RBFOX1: variants seen among roughly 807,000 people sequenced by gnomAD.
The protein encoded by RBFOX1 is RNA binding protein fox-1 homolog 1.
Under a neutral mutation model 57.7 loss-of-function variants are expected in RBFOX1, and 8 were observed. The observed-to-expected ratio is 0.14, with a 90% confidence interval of 0.08 to 0.25. RBFOX1 has a LOEUF of 0.25. Ranked by LOEUF, RBFOX1 falls within the 10% of genes least tolerant of loss-of-function variation. The probability of loss-of-function intolerance (pLI) is 1.00; values close to 1 mark genes in which losing one functional copy is unlikely to be tolerated. For synonymous variants in RBFOX1, 326 were observed against 222.4 expected (o/e 1.47, Z -4.15); for missense variants, 611 against 548.5 (o/e 1.11, Z -1.14).
chr16:5,961,186 C>G (rs1359069285), intron 4 of RBFOX1, among the ~76,000 whole-genome samples: 1 of 152,038 alleles, frequency 6.6e-6, no homozygotes, highest in Non-Finnish European at 1.5e-5. Context: ...TCATTTGGGG[C>G]ATATTCTATT....
rs536585234 is a variant in RBFOX1, at chr16:5,268,125, T to G, written c.219+28020T>G. On this transcript the variant is annotated intron_variant, in intron 1 of 2. Coordinates refer to the RBFOX1 transcript ENST00000585867. ...GAATATAGACTCCATCAGAGTTGAC[T>G]CTAACACAAATTTGGTAAGAGCCCA... Among the ~76,000 whole-genome samples, 23 of 151,816 alleles carry G rather than the reference T, an allele frequency of 1.5e-4. No homozygotes were observed. In the South Asian group the frequency reaches 4.8e-3, roughly 32 times the overall value.
chr16:7,429,748 A>G (rs1056515212), intron 4 of RBFOX1, among the ~76,000 whole-genome samples: 1 of 152,204 alleles, frequency 6.6e-6, no homozygotes, highest in African/African-American at 2.4e-5. Flanking sequence ...GCATGGGTAG[A>G]GTATCACTCA....
chr16:5,276,304 A>T (rs1197765497), intron 1 of RBFOX1, among the ~76,000 whole-genome samples: 3 of 152,236 alleles, frequency 2.0e-5, no homozygotes, highest in Admixed American at 6.5e-5. Context: ...ACTAATGTCC[A>T]GAATCTACAG....
At chr16:7,143,196 A>G (rs1180698597) in intron 4 of RBFOX1, among the ~76,000 whole-genome samples, 1 of 152,092 alleles carries the variant, frequency 6.6e-6, no homozygotes, top group Admixed American at 6.5e-5. Context: ...CATCTGATTC[A>G]GGGTGATATT....
chr16:5,658,729 C>T (rs1052284103), intron 3 of RBFOX1, among the ~76,000 whole-genome samples: 2 of 107,990 alleles, frequency 1.9e-5, no homozygotes, highest in African/African-American at 6.6e-5. Flanking sequence ...TACATACATA[C>T]ATATATATAA....
chr16:5,277,057 C>G (rs1264301041), intron 1 of RBFOX1, among the ~76,000 whole-genome samples: 1 of 151,992 alleles, frequency 6.6e-6, no homozygotes, highest in Non-Finnish European at 1.5e-5. Flanking sequence ...GCCCATCAGT[C>G]AATTAGTGGA....
chr16:7,614,871 T>C (rs570379515), intron 10 of RBFOX1: 1 of 152,344 alleles, frequency 6.6e-6, no homozygotes, highest in African/African-American at 2.4e-5. Context: ...GCTTACCTCA[T>C]TCGCCAAATC....
intron 2 of RBFOX1, among the ~76,000 whole-genome samples, chr16:5,564,029 T>G (rs1427046246): frequency 2.0e-5 from 3 of 152,144 alleles, no homozygotes; most frequent in African/African-American, 7.2e-5. Flanking sequence ...ATTTTTTTAT[T>G]TTTAGACTGA....
intron 4 of RBFOX1, among the ~76,000 whole-genome samples, chr16:7,422,530 T>TG (rs1568807677): frequency 6.6e-6 from 1 of 152,148 alleles, no homozygotes; most frequent in South Asian, 2.1e-4. Flanking sequence ...ACCCCGTCAC[T>TG]GGGGGATCAA....
chr16:6,343,197 G>C (rs894571082), intron 2 of RBFOX1, among the ~76,000 whole-genome samples: 1 of 152,072 alleles, frequency 6.6e-6, no homozygotes, highest in Non-Finnish European at 1.5e-5. Flanking sequence ...GGGAAAAATG[G>C]CTTTTCATTC....
At chr16:6,968,667 C>T (rs1361327441) in intron 3 of RBFOX1, among the ~76,000 whole-genome samples, 1 of 152,088 alleles carries the variant, frequency 6.6e-6, no homozygotes, top group Non-Finnish European at 1.5e-5. Flanking sequence ...TCGAGGAAGC[C>T]CACAAGGTGC....
At chr16:5,546,853 A>G (rs1355254455) in intron 2 of RBFOX1, among the ~76,000 whole-genome samples, 1 of 152,206 alleles carries the variant, frequency 6.6e-6, no homozygotes, top group Non-Finnish European at 1.5e-5. Context: ...TCTGCAAACT[A>G]TATATCTGAT....
intron 3 of RBFOX1, among the ~76,000 whole-genome samples, chr16:6,737,804 T>C (rs2070819783): frequency 1.3e-5 from 2 of 152,248 alleles, no homozygotes; most frequent in African/African-American, 4.8e-5. Flanking sequence ...AGATTGTTTA[T>C]ATTTCATTTA....
At chr16:7,035,938 C>T (rs1419902737) in intron 3 of RBFOX1, among the ~76,000 whole-genome samples, 1 of 152,114 alleles carries the variant, frequency 6.6e-6, no homozygotes, top group Non-Finnish European at 1.5e-5. Flanking sequence ...CCCAGCCAAC[C>T]CTTTCAGACA....
chr16:6,845,711 C>G (rs1304942379), intron 3 of RBFOX1, among the ~76,000 whole-genome samples: 1 of 152,206 alleles, frequency 6.6e-6, no homozygotes, highest in African/African-American at 2.4e-5. Context: ...CCTTGCTTCT[C>G]TGACACAGAC....
intron 1 of RBFOX1, among the ~76,000 whole-genome samples, chr16:6,226,946 T>TAA (rs573474385): frequency 0.013 from 1,315 of 101,018 alleles, 15 homozygotes; most frequent in African/African-American, 0.041. Context: ...CCATCTCTAC[T>TAA]AAAAAAAAAA....
At chr16:7,121,571 C>G (rs2067191136) in intron 4 of RBFOX1, among the ~76,000 whole-genome samples, 2 of 151,900 alleles carry the variant, frequency 1.3e-5, no homozygotes, top group Admixed American at 6.6e-5. Context: ...AAAAGCAAAT[C>G]TAAATATATA....
At chr16:6,466,155 G>A (rs1431717541) in intron 2 of RBFOX1, among the ~76,000 whole-genome samples, 1 of 151,526 alleles carries the variant, frequency 6.6e-6, no homozygotes, top group Non-Finnish European at 1.5e-5. Flanking sequence ...CTTGAACCCG[G>A]GAGGCAGAGG....
intron 3 of RBFOX1, among the ~76,000 whole-genome samples, chr16:6,717,800 A>T (rs2065130981): frequency 6.6e-6 from 1 of 152,158 alleles, no homozygotes; most frequent in Admixed American, 6.5e-5. Context: ...CCAGCAGAAA[A>T]TATTGGGTAC....
Sources: gnomAD v4.1 joint callset for allele counts (sites outside exome capture counted in the v4.1 genomes callset) on GRCh38, gnomAD v4.1.1 for gene constraint, MANE v1.5 for transcripts, NCBI Gene and HGNC (gene_info 2026-07-23, HGNC 2026-07-21) for gene names.